Variants in CNTNAP2 observed in about 807,000 individuals in gnomAD.
CNTNAP2 encodes the protein contactin-associated protein-like 2.
Under a neutral mutation model 155.2 loss-of-function variants are expected in CNTNAP2, and 98 were observed. The observed-to-expected ratio is 0.63, with a 90% CI of 0.54 to 0.75. The LOEUF (loss-of-function observed/expected upper bound fraction) is 0.75, where lower values mean the gene tolerates loss of function less well. Among genes scored for constraint, CNTNAP2 ranks in the 30% least tolerant of loss-of-function variants. The pLI, the probability that CNTNAP2 is intolerant of heterozygous loss-of-function variation, is 0.00. For synonymous variants in CNTNAP2, 651 were observed against 631.2 expected, an observed-to-expected ratio of 1.03 and a Z score of -0.47; for missense variants, 1,727 against 1,688.1, an observed-to-expected ratio of 1.02 and a Z score of -0.40.
intron 11 of CNTNAP2, among the ~76,000 whole-genome samples, chr7:147,490,278 G>T (rs1167500259): frequency 6.6e-6 from 1 of 152,148 alleles, no homozygotes. Context: ...GTAAGGAACA[G>T]GTCCTGACAT....
intron 3 of CNTNAP2, among the ~76,000 whole-genome samples, chr7:146,971,571 A>G (rs868576166): frequency 6.6e-6 from 1 of 152,138 alleles, no homozygotes; most frequent in South Asian, 2.1e-4. Context: ...GGGAAGTCCA[A>G]ACTCAGGTTG....
intron 11 of CNTNAP2, among the ~76,000 whole-genome samples, chr7:147,529,752 A>G (rs909754697): frequency 6.6e-6 from 1 of 152,212 alleles, no homozygotes; most frequent in Non-Finnish European, 1.5e-5. Context: ...CAATTTTATC[A>G]TTAGAGATTT....
At chr7:146,475,062 T>C (rs932531462) in intron 1 of CNTNAP2, among the ~76,000 whole-genome samples, 9 of 152,136 alleles carry the variant, frequency 5.9e-5, no homozygotes, top group African/African-American at 1.4e-4. Flanking sequence ...TAAACAAATA[T>C]GTATATGCTA....
At chr7:147,070,505 G>A (rs1799870351) in intron 4 of CNTNAP2, among the ~76,000 whole-genome samples, 1 of 152,170 alleles carries the variant, frequency 6.6e-6, no homozygotes, top group Non-Finnish European at 1.5e-5. Flanking sequence ...CTGATCAGAA[G>A]TTGGGTCCTA....
chr7:146,563,169 T>C (rs2129144644), intron 1 of CNTNAP2, among the ~76,000 whole-genome samples: 1 of 152,318 alleles, frequency 6.6e-6, no homozygotes, highest in Non-Finnish European at 1.5e-5. Context: ...ACACAGACCC[T>C]CTGTCACAGC....
chr7:147,250,970 A>T (rs1215104303), intron 8 of CNTNAP2, among the ~76,000 whole-genome samples: 1 of 152,080 alleles, frequency 6.6e-6, no homozygotes, highest in Non-Finnish European at 1.5e-5. Flanking sequence ...TGTTTTATAG[A>T]GCTTTTCTTT....
At chr7:147,667,487 A>G (rs1584888516) in intron 13 of CNTNAP2, among the ~76,000 whole-genome samples, 1 of 152,206 alleles carries the variant, frequency 6.6e-6, no homozygotes, top group African/African-American at 2.4e-5. Context: ...ATCACTAAAC[A>G]CGCACTGCTG....
In CNTNAP2 at chr7:147,395,636, G is replaced by A. The variant is rs794726999; in HGVS notation, c.1526G>A (p.Ser509Asn). Residue 509 changes from serine to asparagine, a missense_variant, in exon 10 of 24, where the codon AGT becomes AAT. Coordinates refer to ENST00000361727, the MANE Select transcript of CNTNAP2 (RefSeq NM_014141.6). ...GGFLNQMNNS[S>N]HSVLQPSFQG... The stretch of plus-strand genomic sequence containing the variant: ...TTTCTGAACCAGATGAATAACTCAA[G>A]TCACTCTGTCCTTCAGCCTTCATTC... The A allele has an allele frequency of 3.1e-6, 5 of 1,612,224 alleles. No homozygotes were observed. In the South Asian group the frequency reaches 5.5e-5, roughly 18 times the overall value.
intron 14 of CNTNAP2, among the ~76,000 whole-genome samples, chr7:147,945,611 C>A (rs1326738008): frequency 6.6e-6 from 1 of 151,582 alleles, no homozygotes; most frequent in African/African-American, 2.4e-5. Context: ...TTTATGTAAC[C>A]CTGTCATCAT....
chr7:146,426,180 C>T (rs1262363583), intron 1 of CNTNAP2, among the ~76,000 whole-genome samples: 7 of 53,038 alleles, frequency 1.3e-4, no homozygotes, highest in South Asian at 1.1e-3. Flanking sequence ...AGTGAGACTT[C>T]GCCTCAAAAA....
At chr7:146,272,973 A>G (rs1038757051) in intron 1 of CNTNAP2, among the ~76,000 whole-genome samples, 3 of 152,014 alleles carry the variant, frequency 2.0e-5, no homozygotes, top group African/African-American at 7.2e-5. Context: ...AGCGAGAGGT[A>G]TAGAATTGGC....
At chr7:146,725,917 G>A (rs1419825363) in intron 1 of CNTNAP2, among the ~76,000 whole-genome samples, 1 of 152,090 alleles carries the variant, frequency 6.6e-6, no homozygotes, top group Non-Finnish European at 1.5e-5. Context: ...TAAAATTTCT[G>A]TCTCCCGTTC....
Position 147,170,651 on chromosome 7 carries a change from A to G in CNTNAP2, c.1348+38142A>G, listed in dbSNP as rs189235472. ...CAGCACTCCTGAGCCATAGGATCCA[A>G]CCCTGCAGTGCCAGAACCTGCTCAC... On this transcript the variant is annotated intron_variant, in intron 8 of 23. Coordinates refer to ENST00000361727, the MANE Select transcript of CNTNAP2 (RefSeq NM_014141.6). Among the ~76,000 whole-genome samples the G allele has an allele frequency of 1.4e-4, 21 of 152,204 alleles. 1 individual carries two copies. The highest frequency in any genetic ancestry group is 3.9e-4 in the Admixed American group (6 of 15,298).
chr7:146,661,012 T>G (rs1309816255), intron 1 of CNTNAP2, among the ~76,000 whole-genome samples: 1 of 152,146 alleles, frequency 6.6e-6, no homozygotes, highest in East Asian at 1.9e-4. Context: ...CAGGCCCAGC[T>G]TTGTTTTTTG....
intron 22 of CNTNAP2, among the ~76,000 whole-genome samples, chr7:148,404,614 T>C (rs1267089428): frequency 6.6e-6 from 1 of 152,212 alleles, no homozygotes; most frequent in Non-Finnish European, 1.5e-5. Context: ...TAGGGGTATG[T>C]TACAATTAAT....
intron 11 of CNTNAP2, among the ~76,000 whole-genome samples, chr7:147,542,992 C>A (rs1427958598): frequency 6.6e-6 from 1 of 152,052 alleles, no homozygotes; most frequent in Admixed American, 6.5e-5. Context: ...CTGGGGAGAC[C>A]CTAACCCAGC....
chr7:148,365,876 A>G (rs113006394), intron 21 of CNTNAP2, among the ~76,000 whole-genome samples: 565 of 39,306 alleles, frequency 0.014, 265 homozygotes, highest in East Asian at 0.12. Flanking sequence ...ATGTGTATGC[A>G]TGTATACATG....
chr7:146,682,429 C>G (rs963817946), intron 1 of CNTNAP2, among the ~76,000 whole-genome samples: 1 of 152,198 alleles, frequency 6.6e-6, no homozygotes, highest in Middle Eastern at 3.4e-3. Context: ...TTATCAGTGG[C>G]TTATTACATA....
At chr7:147,624,975 A>C (rs1208363467) in intron 12 of CNTNAP2, among the ~76,000 whole-genome samples, 1 of 152,132 alleles carries the variant, frequency 6.6e-6, no homozygotes, top group African/African-American at 2.4e-5. Flanking sequence ...GGAACTAGAG[A>C]TCATTATGTT....
Sources: gnomAD v4.1 joint callset for allele counts (sites outside exome capture counted in the v4.1 genomes callset) on GRCh38, gnomAD v4.1.1 for gene constraint, MANE v1.5 for transcripts, NCBI Gene and HGNC (gene_info 2026-07-23, HGNC 2026-07-21) for gene names.